OCA2: variants seen among roughly 807,000 people sequenced by gnomAD.
The protein encoded by OCA2 is OCA2 melanosomal transmembrane protein, also known as P protein.
OCA2 carries 77 observed loss-of-function variants against 100.2 expected under a neutral mutation model. The ratio of observed to expected loss-of-function variants is 0.77; its 90% confidence interval spans 0.64 to 0.93. OCA2 has a LOEUF of 0.93. Ranked by LOEUF, OCA2 falls within the 40% of genes least tolerant of loss-of-function variation. OCA2 has a pLI of 0.00. For missense variants in OCA2, 1,062 were observed against 1,089.1 expected (o/e 0.98, Z 0.35); for synonymous variants, 432 against 439.2 (o/e 0.98, Z 0.21).
chr15:27,732,846 G>T, the OCA2 span, among the ~76,000 whole-genome samples: 1 of 152,064 alleles, frequency 6.6e-6, no homozygotes, highest in Non-Finnish European at 1.5e-5. Flanking sequence ...ACAAAAATAG[G>T]GTATAAGGAA....
chr15:28,012,443 C>T (rs1362275800), intron 9 of OCA2, among the ~76,000 whole-genome samples: 1 of 152,204 alleles, frequency 6.6e-6, no homozygotes, highest in African/African-American at 2.4e-5. Flanking sequence ...AATCCAGGGA[C>T]TGCCCTCCAA....
chr15:28,032,981 G>A (rs2042952410), intron 2 of OCA2, among the ~76,000 whole-genome samples: 1 of 152,136 alleles, frequency 6.6e-6, no homozygotes, highest in Non-Finnish European at 1.5e-5. Flanking sequence ...GAATGGCAAG[G>A]AGGAAGCTCT....
intron 21 of OCA2, among the ~76,000 whole-genome samples, chr15:27,860,669 A>G (rs986802882): frequency 6.6e-6 from 1 of 152,156 alleles, no homozygotes; most frequent in African/African-American, 2.4e-5. Flanking sequence ...CACAGTGTTT[A>G]TGTACCACAT....
At chr15:27,857,253 C>A (rs1447431851) in intron 21 of OCA2, among the ~76,000 whole-genome samples, 1 of 152,120 alleles carries the variant, frequency 6.6e-6, no homozygotes, top group Admixed American at 6.5e-5. Context: ...TAAATGGAAA[C>A]CTCACTACAA....
intron 19 of OCA2, among the ~76,000 whole-genome samples, chr15:27,891,501 T>C (rs1375864683): frequency 1.3e-5 from 2 of 152,194 alleles, no homozygotes; most frequent in Non-Finnish European, 2.9e-5. Flanking sequence ...GATGTTCAGG[T>C]CCCTTATTTA....
chr15:27,898,829 TA>T (rs2037812149), intron 19 of OCA2, among the ~76,000 whole-genome samples: 1 of 152,204 alleles, frequency 6.6e-6, no homozygotes, highest in African/African-American at 2.4e-5. Context: ...AATCTCTTAA[TA>T]AAATTATCCT....
chr15:27,996,929 C>T (rs1168185302), intron 9 of OCA2, among the ~76,000 whole-genome samples: 5 of 149,914 alleles, frequency 3.3e-5, no homozygotes, highest in East Asian at 2.0e-4. Context: ...GAGAACACTT[C>T]GAAACTTGTT....
chr15:28,042,931 G>A (rs574307918), intron 2 of OCA2, among the ~76,000 whole-genome samples: 101 of 152,198 alleles, frequency 6.6e-4, no homozygotes, highest in African/African-American at 2.4e-3. Flanking sequence ...AAATATGTTA[G>A]GGTTGATGGT....
intron 18 of OCA2, among the ~76,000 whole-genome samples, chr15:27,928,822 G>A (rs1321932979): frequency 1.3e-5 from 2 of 151,910 alleles, no homozygotes. Context: ...TATTTTTAAG[G>A]GCCCTTATGA....
chr15:27,926,286 G>C, intron 18 of OCA2, 32 bp from the exon 19 acceptor site: 1 of 1,612,928 alleles, frequency 6.2e-7, no homozygotes. Context: ...TAGAGATATA[G>C]TTCCACTGTT....
intron 14 of OCA2, among the ~76,000 whole-genome samples, chr15:27,982,174 T>A (rs2041187964): frequency 6.6e-6 from 1 of 152,172 alleles, no homozygotes; most frequent in Admixed American, 6.5e-5. Flanking sequence ...TATATCCACA[T>A]ACAAACACTC....
chr15:27,769,809 G>A (rs1021657807), intron 23 of OCA2, among the ~76,000 whole-genome samples: 1 of 152,036 alleles, frequency 6.6e-6, no homozygotes, highest in East Asian at 2.0e-4. Context: ...CCCGGGCACG[G>A]AGGCTGTCCC....
the OCA2 span, among the ~76,000 whole-genome samples, chr15:27,742,079 C>T: frequency 1.3e-5 from 2 of 152,164 alleles, no homozygotes; most frequent in Non-Finnish European, 2.9e-5. Flanking sequence ...GCAGCTATGC[C>T]TTTGCTTGGA....
At chr15:27,954,062 G>T (rs1012626160) in intron 17 of OCA2, among the ~76,000 whole-genome samples, 1 of 150,836 alleles carries the variant, frequency 6.6e-6, no homozygotes, top group African/African-American at 2.5e-5. Flanking sequence ...CATCCAGGTT[G>T]CTGTGAATGC....
chr15:27,997,048 G>GAGAAAGAAA (rs370360937), intron 9 of OCA2, among the ~76,000 whole-genome samples: 1 of 43,590 alleles, frequency 2.3e-5, no homozygotes, highest in Non-Finnish European at 1.0e-4. Flanking sequence ...AGAGAAAGAA[G>GAGAAAGAAA]GAAGGAAGGA....
chr15:27,720,359 G>A, the OCA2 span, among the ~76,000 whole-genome samples: 7 of 150,168 alleles, frequency 4.7e-5, no homozygotes, highest in East Asian at 2.0e-4. Context: ...ACAAACAAGC[G>A]TCACAGAAAT....
chr15:27,942,356 G>A (rs1312150848), intron 18 of OCA2, among the ~76,000 whole-genome samples: 4 of 151,536 alleles, frequency 2.6e-5, no homozygotes, highest in African/African-American at 7.3e-5. Flanking sequence ...GATGCAACAC[G>A]GATGCACCTT....
chr15:27,947,275 T>C (rs976307991), intron 18 of OCA2, among the ~76,000 whole-genome samples: 1 of 152,222 alleles, frequency 6.6e-6, no homozygotes, highest in Non-Finnish European at 1.5e-5. Context: ...GTGAAACCCA[T>C]CTGGCACTAA....
chr15:27,721,731 C>T, the OCA2 span, among the ~76,000 whole-genome samples: 3 of 152,144 alleles, frequency 2.0e-5, no homozygotes, highest in Non-Finnish European at 2.9e-5. Flanking sequence ...TTGTAATTTA[C>T]ACAGATCTGT....
Sources: allele counts gnomAD v4.1 joint callset (sites outside exome capture counted in the v4.1 genomes callset), GRCh38; gene constraint gnomAD v4.1.1; transcripts MANE v1.5; gene names NCBI Gene and HGNC (gene_info 2026-07-23, HGNC 2026-07-21).